TENM2: variants seen among roughly 807,000 people sequenced by gnomAD.
TENM2 encodes the protein teneurin transmembrane protein 2, also known as teneurin-2.
A neutral mutation model predicts 245.2 loss-of-function variants in TENM2; 52 were observed. That is an observed-to-expected ratio of 0.21 (90% CI 0.17 to 0.27). The LOEUF (loss-of-function observed/expected upper bound fraction) is 0.27. Ranked by LOEUF, TENM2 falls within the 10% of genes least tolerant of loss-of-function variation. The pLI, the probability that TENM2 is intolerant of heterozygous loss-of-function variation, is 1.00. For synonymous variants in TENM2, 1,363 were observed against 1,438.9 expected, an observed-to-expected ratio of 0.95 and a Z score of 1.19; for missense variants, 3,046 against 3,666.8, an observed-to-expected ratio of 0.83 and a Z score of 4.37.
At chr5:168,102,524 T>A (rs1447987937) in intron 9 of TENM2, among the ~76,000 whole-genome samples, 1 of 152,212 alleles carries the variant, frequency 6.6e-6, no homozygotes, top group Non-Finnish European at 1.5e-5. Context: ...ACACACTTAT[T>A]TCACATCAAG....
intron 2 of TENM2, among the ~76,000 whole-genome samples, chr5:167,656,520 G>A (rs1019868922): frequency 3.9e-5 from 6 of 152,060 alleles, no homozygotes; most frequent in Non-Finnish European, 7.4e-5. Context: ...TCAAGTAAGG[G>A]CTACTAGGCC....
intron 3 of TENM2, among the ~76,000 whole-genome samples, chr5:167,925,854 C>T (rs1181531792): frequency 6.6e-6 from 1 of 152,150 alleles, no homozygotes; most frequent in Non-Finnish European, 1.5e-5. Flanking sequence ...AATGCAGGAA[C>T]AGAAAGCCAA....
intron 3 of TENM2, among the ~76,000 whole-genome samples, chr5:167,915,226 C>A (rs1271188577): frequency 6.6e-6 from 1 of 151,670 alleles, no homozygotes; most frequent in Non-Finnish European, 1.5e-5. Flanking sequence ...TCCATTACTG[C>A]AAAAAAAGGT....
chr5:167,945,804 G>A (rs568630854), intron 3 of TENM2, among the ~76,000 whole-genome samples: 4 of 152,322 alleles, frequency 2.6e-5, no homozygotes, highest in Non-Finnish European at 4.4e-5. Context: ...CAGGCTGAGC[G>A]GGGTGCTTCC....
intron 2 of TENM2, among the ~76,000 whole-genome samples, chr5:167,731,163 T>A (rs1387023198): frequency 6.6e-6 from 1 of 151,184 alleles, no homozygotes; most frequent in Non-Finnish European, 1.5e-5. Context: ...AAAAACCCCA[T>A]GCCAGTTGAC....
rs1554127838 is a variant in TENM2, at chr5:167,834,661, T to TTTTC, written c.503-41325_503-41324insTTTC. Among the ~76,000 whole-genome samples, 5 of 124,806 alleles carry TTTTC rather than the reference T, an allele frequency of 4.0e-5. 1 individual carries two copies. Among genetic ancestry groups the TTTTC allele is most frequent in the Non-Finnish European group, 5.3e-5 (3 of 56,188 alleles). The allele number at this position is 124,806 out of a possible 152,430, so 81.9% of individuals were successfully genotyped here. A position where few individuals can be genotyped will look rare whatever the true frequency, so the allele number is the denominator to read the frequency against. ...ATTTCTTTTTTTTTTTTTTTTTTTT[T>TTTTC]CTTTTTGAGACGGAGTCTCGCTCTG... On this transcript the variant is annotated intron_variant, in intron 2 of 28. Coordinates refer to ENST00000518659, the Ensembl canonical transcript of TENM2.
intron 2 of TENM2, among the ~76,000 whole-genome samples, chr5:167,723,499 G>A (rs1417579783): frequency 6.6e-6 from 1 of 152,118 alleles, no homozygotes; most frequent in African/African-American, 2.4e-5. Flanking sequence ...TGTCTTCAAT[G>A]GCCTCCCATT....
intron 2 of TENM2, among the ~76,000 whole-genome samples, chr5:167,445,533 G>C (rs1765158550): frequency 6.6e-6 from 1 of 151,980 alleles, no homozygotes; most frequent in South Asian, 2.1e-4. Flanking sequence ...ACTATGAGAA[G>C]TCAGCAGCAA....
chr5:167,375,221 C>A, exon 2 of TENM2: 1 of 1,551,688 alleles, frequency 6.4e-7, no homozygotes, highest in South Asian at 1.2e-5. Flanking sequence ...CCTTGCCGAA[C>A]TGGGCATCTG....
chr5:167,861,542 T>C (rs1328226978), intron 2 of TENM2, among the ~76,000 whole-genome samples: 2 of 152,222 alleles, frequency 1.3e-5, no homozygotes, highest in Non-Finnish European at 2.9e-5. Flanking sequence ...AATGTCAGCC[T>C]GCTTGGCATT....
intron 2 of TENM2, among the ~76,000 whole-genome samples, chr5:167,694,706 C>T (rs1417467173): frequency 6.6e-6 from 1 of 152,102 alleles, no homozygotes; most frequent in African/African-American, 2.4e-5. Context: ...GGCCCCAGCT[C>T]TTAATCTCTT....
At chr5:167,429,475 G>A (rs1162448727) in intron 2 of TENM2, among the ~76,000 whole-genome samples, 1 of 152,162 alleles carries the variant, frequency 6.6e-6, no homozygotes, top group African/African-American at 2.4e-5. Context: ...TTTGGAAGTA[G>A]GGGGAGCCTG....
intron 2 of TENM2, among the ~76,000 whole-genome samples, chr5:167,689,793 G>A (rs1311459684): frequency 1.3e-5 from 2 of 151,542 alleles, no homozygotes; most frequent in Admixed American, 6.6e-5. Flanking sequence ...ATGGAGTCTC[G>A]CTCTGTCTCC....
intron 2 of TENM2, among the ~76,000 whole-genome samples, chr5:167,622,470 G>C (rs1194834140): frequency 2.0e-5 from 3 of 152,098 alleles, no homozygotes; most frequent in African/African-American, 7.2e-5. Context: ...CAAAGGTATA[G>C]ATTCCTCACT....
At chr5:168,106,343 A>AATC (rs5873089) in intron 9 of TENM2, among the ~76,000 whole-genome samples, 67 of 151,508 alleles carry the variant, frequency 4.4e-4, no homozygotes, top group Admixed American at 5.9e-4. Flanking sequence ...ACTAAAAACA[A>AATC]ATCATCATCA....
intron 2 of TENM2, among the ~76,000 whole-genome samples, chr5:167,417,738 G>A (rs759667215): frequency 2.0e-4 from 30 of 152,124 alleles, no homozygotes; most frequent in Admixed American, 4.6e-4. Context: ...AAGAGGAAGA[G>A]CCAGGGCCCA....
chr5:167,748,450 C>G (rs1479875850), intron 2 of TENM2, among the ~76,000 whole-genome samples: 1 of 152,078 alleles, frequency 6.6e-6, no homozygotes, highest in Non-Finnish European at 1.5e-5. Context: ...GTAATCATAG[C>G]TGGCTGCAGC....
At chr5:167,845,753 A>G (rs1363276396) in intron 2 of TENM2, among the ~76,000 whole-genome samples, 1 of 152,076 alleles carries the variant, frequency 6.6e-6, no homozygotes, top group Non-Finnish European at 1.5e-5. Flanking sequence ...TTTCAAAAAC[A>G]CTCTTCGCTG....
intron 5 of TENM2, among the ~76,000 whole-genome samples, chr5:168,020,333 G>A (rs1235720475): frequency 3.3e-5 from 5 of 152,286 alleles, no homozygotes; most frequent in East Asian, 3.9e-4. Context: ...GACCTCAAGC[G>A]AAGGTCTTGG....
Sources: gnomAD v4.1 joint callset for allele counts (sites outside exome capture counted in the v4.1 genomes callset) on GRCh38, gnomAD v4.1.1 for gene constraint, MANE v1.5 for transcripts, NCBI Gene and HGNC (gene_info 2026-07-23, HGNC 2026-07-21) for gene names.